ASZ1: variants seen among roughly 807,000 people sequenced by gnomAD.
The protein encoded by ASZ1 is ankyrin repeat, SAM and basic leucine zipper domain-containing protein 1.
A neutral mutation model predicts 61.8 loss-of-function variants in ASZ1; 67 were observed. That is an observed-to-expected ratio of 1.08 (90% CI 0.89 to 1.33). The LOEUF (loss-of-function observed/expected upper bound fraction) is 1.33. Among genes scored for constraint, ASZ1 ranks in the 40% most tolerant of loss-of-function variants. The pLI, the probability that ASZ1 is intolerant of heterozygous loss-of-function variation, is 0.00. For synonymous variants in ASZ1, 193 were observed against 192.7 expected, an observed-to-expected ratio of 1.00 and a Z score of -0.01; for missense variants, 577 against 554.5, an observed-to-expected ratio of 1.04 and a Z score of -0.41.
At chr7:117,368,775 T>C (rs1460269563) in intron 10 of ASZ1, 58 bp from the exon 11 acceptor site, 1 of 1,599,670 alleles carries the variant, frequency 6.3e-7, no homozygotes, top group East Asian at 2.2e-5. Flanking sequence ...ATTTATTTCA[T>C]TCTACTAGGC....
Position 117,367,417 on chromosome 7 carries a change from C to A in ASZ1, c.1210G>T (p.Glu404Ter). Reference protein sequence around the residue: ...SPQNFTSVCEELVNNVEDLSE... With the variant: ...SPQNFTSVCE Reference sequence around the variant, plus strand: ...AAATCTTCAACATTATTAACCAATTCTTCACAAACTGAAGTAAAATTCTGG... The same window carrying A: ...AAATCTTCAACATTATTAACCAATTATTCACAAACTGAAGTAAAATTCTGG... The change falls in exon 12 of 13, where the codon GAA (glutamate) becomes TAA (stop). Residue 404 changes from glutamate to a stop codon, truncating the protein, a stop_gained. Transcript: ENST00000284629. LOFTEE classifies it high-confidence loss of function. 2 of 1,564,698 alleles carry A rather than the reference C, an allele frequency of 1.3e-6. No individual in the cohort carries two copies. The highest frequency in any genetic ancestry group is 1.4e-5 in the African/African-American group (1 of 72,710).
At chr7:117,382,692 C>T (rs1420298331) in intron 7 of ASZ1, among the ~76,000 whole-genome samples, 1 of 151,948 alleles carries the variant, frequency 6.6e-6, no homozygotes, top group Non-Finnish European at 1.5e-5. Flanking sequence ...AATTAGAAAA[C>T]AAGGTGTTAT....
intron 7 of ASZ1, 149 bp downstream of exon 7, chr7:117,382,837 C>T: frequency 1.1e-6 from 1 of 898,788 alleles, no homozygotes; most frequent in Non-Finnish European, 1.5e-6. Flanking sequence ...TTCTAAAATT[C>T]TGGAGAACAC....
At chr7:117,365,492 C>G (rs529208252) in intron 12 of ASZ1, among the ~76,000 whole-genome samples, 10 of 152,280 alleles carry the variant, frequency 6.6e-5, no homozygotes, top group African/African-American at 2.2e-4. Context: ...CACACCCTTA[C>G]CCCTCACCCC....
At chr7:117,394,115 C>A (rs985125848) in intron 4 of ASZ1, among the ~76,000 whole-genome samples, 2 of 151,958 alleles carry the variant, frequency 1.3e-5, no homozygotes, top group Admixed American at 1.3e-4. Flanking sequence ...CCTGGCCCCC[C>A]TTTTTAGGAG....
At chr7:117,417,109 C>T (rs763540670) in intron 4 of ASZ1, among the ~76,000 whole-genome samples, 34 of 152,218 alleles carry the variant, frequency 2.2e-4, no homozygotes, top group Admixed American at 4.6e-4. Flanking sequence ...AGACTTCAAT[C>T]TCAAGCTTAG....
chr7:117,365,997 C>T (rs549409947), intron 12 of ASZ1, among the ~76,000 whole-genome samples: 3 of 152,212 alleles, frequency 2.0e-5, no homozygotes, highest in Admixed American at 6.5e-5. Context: ...GGCGCAATGG[C>T]GCACACCAGT....
Position 117,420,146 on chromosome 7 carries a change from G to T in ASZ1, c.440+17C>A. ...TCTAATTTGACTTGAATTTTGAACA[G>T]ATATAAAGGCTCTTACCTACAAGCA... On this transcript the variant is annotated intron_variant, in intron 4 of 12. Transcript: ENST00000284629. The T allele has an allele frequency of 1.3e-6, 2 of 1,575,396 alleles. No individual in the cohort carries two copies. The highest frequency in any genetic ancestry group is 1.7e-6 in the Non-Finnish European group (2 of 1,152,424).
chr7:117,373,331 C>CT (rs2116453617), intron 10 of ASZ1, among the ~76,000 whole-genome samples: 1 of 152,180 alleles, frequency 6.6e-6, no homozygotes, highest in African/African-American at 2.4e-5. Context: ...GCCTCAGTCT[C>CT]TCAAGTAGAT....
At chr7:117,367,297 T>C (rs559240651) in intron 12 of ASZ1, 55 bp downstream of exon 12, 6 of 1,292,238 alleles carry the variant, frequency 4.6e-6, no homozygotes, top group African/African-American at 4.6e-5. Context: ...CTAACACCTT[T>C]TGCTGTAAAT....
chr7:117,378,507 TA>T lies in ASZ1; in HGVS notation c.1055+1430del, dbSNP rs1039699862. ...TTACTGTATACCCATCAGAAATGGC[TA>T]AAAAAAATCATGCTAACACCAAATG... On this transcript the variant is annotated intron_variant, in intron 10 of 12. Transcript: ENST00000284629. Among the ~76,000 whole-genome samples the T allele has an allele frequency of 1.4e-4, 22 of 151,912 alleles. No homozygotes were observed. The East Asian group carries it at 4.1e-3, about 28-fold the overall frequency.
Position 117,363,520 on chromosome 7 carries a change from C to T in ASZ1, c.*76G>A. 8.1e-7 allele frequency: 1 copy of T among 1,230,120 alleles called. No individual in the cohort carries two copies. The highest frequency in any genetic ancestry group is 2.8e-5 in the Admixed American group (1 of 35,428). The allele number at this position is 1,230,120 out of a possible 1,614,324, so 76.2% of individuals were successfully genotyped here. A position where few individuals can be genotyped will look rare whatever the true frequency, so the allele number is the denominator to read the frequency against. On this transcript the variant is annotated 3_prime_UTR_variant, in exon 13 of 13. Transcript: ENST00000284629. Reference sequence around the variant, plus strand: ...GCAAAGAATGTAAAGTTATATTGTGCTGCAAACAGTTAAAAGCAATGATTT... The same window carrying T: ...GCAAAGAATGTAAAGTTATATTGTGTTGCAAACAGTTAAAAGCAATGATTT...
intron 10 of ASZ1, among the ~76,000 whole-genome samples, chr7:117,375,294 T>C (rs559335192): frequency 9.8e-4 from 149 of 152,206 alleles, no homozygotes; most frequent in African/African-American, 3.4e-3. Context: ...GTAGGTATTA[T>C]GTACAATAAA....
chr7:117,394,453 T>C (rs993860244), intron 4 of ASZ1, among the ~76,000 whole-genome samples: 1 of 152,208 alleles, frequency 6.6e-6, no homozygotes, highest in Non-Finnish European at 1.5e-5. Context: ...TTTAGGATTT[T>C]TGCCTTCATT....
chr7:117,401,395 A>T lies in ASZ1; in HGVS notation c.441-15586T>A, dbSNP rs559153301. On this transcript the variant is annotated intron_variant, in intron 4 of 12. Coordinates refer to ENST00000284629, the MANE Select transcript of ASZ1 (RefSeq NM_130768.3). The stretch of plus-strand genomic sequence containing the variant: ...ATAGCAAAGCTGTTTTTTTTTTTTT[A>T]AAAAAAAAGACCAACAGAAAATATT... Among the ~76,000 whole-genome samples the T allele has an allele frequency of 2.8e-3, 395 of 141,412 alleles. 2 individuals are homozygous for T. The highest frequency in any genetic ancestry group is 0.015 in the East Asian group (76 of 5,086). The allele number at this position is 141,412 out of a possible 152,430, so 92.8% of individuals were successfully genotyped here. A position where few individuals can be genotyped will look rare whatever the true frequency, so the allele number is the denominator to read the frequency against.
intron 3 of ASZ1, among the ~76,000 whole-genome samples, chr7:117,420,759 T>A (rs1262148777): frequency 6.6e-6 from 1 of 152,224 alleles, no homozygotes; most frequent in Non-Finnish European, 1.5e-5. Flanking sequence ...TTGTACTTCA[T>A]CTTTCTGAAC....
In ASZ1 at chr7:117,379,246, T is replaced by C. The variant is rs150644299; in HGVS notation, c.1055+692A>G. On this transcript the variant is annotated intron_variant, in intron 10 of 12. Coordinates refer to ENST00000284629, the MANE Select transcript of ASZ1 (RefSeq NM_130768.3). ...GAGTAAGCCGTATGGGTCATACCAA[T>C]GTAAATTTTCTGGTTTTGATATTGT... 6.4e-4 allele frequency among the ~76,000 whole-genome samples: 95 copies of C among 149,570 alleles called. 2 individuals carry two copies. The East Asian group carries it at 0.017, about 27-fold the overall frequency.
rs367695735 is a variant in ASZ1, at chr7:117,368,759, A to G, written c.1056-42T>C. ...AACAAACAAGCAGGAATTACTAATA[A>G]GAGCAATTTATTTCATTCTACTAGG... On this transcript the variant is annotated intron_variant, in intron 10 of 12. Transcript: ENST00000284629. The G allele has an allele frequency of 9.9e-5, 158 of 1,602,628 alleles. 1 individual carries two copies. The African/African-American group carries it at 1.8e-3, about 18-fold the overall frequency.
chr7:117,365,589 A>T (rs1795920684), intron 12 of ASZ1, among the ~76,000 whole-genome samples: 1 of 152,202 alleles, frequency 6.6e-6, no homozygotes, highest in Non-Finnish European at 1.5e-5. Flanking sequence ...ACTAAACATT[A>T]AAGGCTGATG....
Sources: gnomAD v4.1 joint callset for allele counts (sites outside exome capture counted in the v4.1 genomes callset) on GRCh38, gnomAD v4.1.1 for gene constraint, MANE v1.5 for transcripts, NCBI Gene and HGNC (gene_info 2026-07-23, HGNC 2026-07-21) for gene names.